PRDM15: variants seen among roughly 807,000 people sequenced by gnomAD.
The protein encoded by PRDM15 is PR/SET domain 15.
A neutral mutation model predicts 128.6 loss-of-function variants in PRDM15; 64 were observed. That is an observed-to-expected ratio of 0.50 (90% CI 0.41 to 0.61). PRDM15 has a LOEUF of 0.61. PRDM15 is among the 20% of genes least tolerant of loss of function. The pLI is 0.00. For missense variants in PRDM15, 1,242 were observed against 1,569.1 expected (o/e 0.79, Z 3.52); for synonymous variants, 615 against 621.8 (o/e 0.99, Z 0.16).
At chr21:41,864,020 T>G (rs2063913976) in intron 1 of PRDM15, among the ~76,000 whole-genome samples, 1 of 152,132 alleles carries the variant, frequency 6.6e-6, no homozygotes, top group Admixed American at 6.5e-5. Flanking sequence ...ATTTTTGTAT[T>G]TTTAGCAGAG....
intron 23 of PRDM15, 58 bp from the exon 24 acceptor site, chr21:41,801,780 G>A: frequency 6.4e-7 from 1 of 1,563,670 alleles, no homozygotes; most frequent in South Asian, 1.2e-5. Flanking sequence ...GGAACGCAAG[G>A]ACCTCCCCAG....
chr21:41,815,673 C>A, intron 19 of PRDM15, 32 bp downstream of exon 19: 2 of 1,609,096 alleles, frequency 1.2e-6, no homozygotes, highest in South Asian at 1.1e-5. Context: ...CAGTGAGCGC[C>A]GTGGCTGGCG....
In PRDM15 at chr21:41,862,874, G is replaced by C. The variant is rs117111731; in HGVS notation, c.-9-2502C>G. ...GGAAAAGGAGAGGAAAAAAGAACTA[G>C]AAGTTCGAGATCCTGGGCAGGCGTG... On this transcript the variant is annotated intron_variant, in intron 1 of 23. Transcript: ENST00000398548. This position sits in a 1 kb window ranked among gnomAD's most constrained non-coding sequence, Gnocchi z 4.1. 0.058 allele frequency among the ~76,000 whole-genome samples: 8,765 copies of C among 152,164 alleles called. 341 individuals are homozygous for C. The highest frequency in any genetic ancestry group is 0.14 in the Middle Eastern group (40 of 294).
At position 41,804,576 on chromosome 21, in the gene PRDM15, C is replaced by T. The variant is rs752994704; in HGVS notation, c.2691G>A (p.Pro897=). 31 of 1,571,708 alleles carry T rather than the reference C, an allele frequency of 2.0e-5. No homozygotes were observed. The highest frequency in any genetic ancestry group is 1.4e-4 in the South Asian group (12 of 85,354). ...AGGAGGCGTCGATGGTGGTGGTCTC[C>T]GGGAGGTGGTCCAGGTCATCGATCC... ...AVRIDDLDHL[P]ETTTIDASSI... Residue 897 remains proline, a synonymous_variant, in exon 22 of 24, where the codon CCG becomes CCA. Coordinates refer to ENST00000398548, the MANE Select transcript of PRDM15 (RefSeq NM_001040424.3).
chr21:41,878,732 AG>A, intron 1 of PRDM15: 1 of 1,568,432 alleles, frequency 6.4e-7, no homozygotes. Flanking sequence ...TTGGGGGTCC[AG>A]GGACCCCCCC....
chr21:41,803,982 T>TC (rs1324032094), intron 22 of PRDM15, among the ~76,000 whole-genome samples: 1 of 140,340 alleles, frequency 7.1e-6, no homozygotes, highest in Non-Finnish European at 1.6e-5. Context: ...TTTTTTTTTT[T>TC]CAGACACAGT....
intron 13 of PRDM15, among the ~76,000 whole-genome samples, chr21:41,824,743 C>T (rs1046777613): frequency 2.0e-5 from 3 of 152,220 alleles, no homozygotes; most frequent in Non-Finnish European, 4.4e-5. Context: ...GCCCACAGTC[C>T]GGAGCCTCAC....
chr21:41,817,201 A>C (rs188106662), intron 18 of PRDM15, among the ~76,000 whole-genome samples: 2 of 152,360 alleles, frequency 1.3e-5, no homozygotes, highest in Non-Finnish European at 2.9e-5. Context: ...ATCCATTTAC[A>C]AATTACCGTG....
In PRDM15 at chr21:41,856,839, C is replaced by T. The variant is rs537999587; in HGVS notation, c.285+337G>A. Among the ~76,000 whole-genome samples the T allele has an allele frequency of 5.1e-4, 78 of 152,318 alleles. 2 individuals are homozygous for T. The South Asian group carries it at 0.015, about 29-fold the overall frequency. On this transcript the variant is annotated intron_variant, in intron 4 of 23. Coordinates refer to ENST00000398548, the MANE Select transcript of PRDM15 (RefSeq NM_001040424.3). ...TGCACAGGTGTGGAAATAACTAGAG[C>T]GATGGGCCCCTGCAAGACGCTGCCT...
Position 41,835,520 on chromosome 21 carries a change from T to C in PRDM15, c.1283A>G (p.Asp428Gly), listed in dbSNP as rs1316176647. The change falls in exon 11 of 24, where the codon GAC becomes GGC. Residue 428 changes from aspartate (D) to glycine (G), a missense_variant. By Grantham distance (94) the Asp-to-Gly change is moderately conservative. This residue lies in a region of PRDM15 where 612 missense variants were observed against 717.0 expected (regional missense o/e 0.85). Transcript: ENST00000398548. ...VSYKHSRNEV[D>G]GEYRYRCGTC... ...GCCGCAGCGGTACCTGTACTCGCCG[T>C]CCACCTGGTCAGAGGGACACGCCGT... 3 of 1,607,942 alleles carry C rather than the reference T, an allele frequency of 1.9e-6. No homozygotes were observed. The highest frequency in any genetic ancestry group is 1.1e-5 in the South Asian group (1 of 91,054).
chr21:41,856,274 C>CCTTT lies in PRDM15; in HGVS notation c.285+901_285+902insAAAG, dbSNP rs1278858645. Among the ~76,000 whole-genome samples, 9 of 112,340 alleles carry CCTTT rather than the reference C, an allele frequency of 8.0e-5. 2 individuals carry two copies. The highest frequency in any genetic ancestry group is 2.8e-4 in the Admixed American group (3 of 10,862). The allele number at this position is 112,340 out of a possible 152,430, so 73.7% of individuals were successfully genotyped here. A position where few individuals can be genotyped will look rare whatever the true frequency, so the allele number is the denominator to read the frequency against. On this transcript the variant is annotated intron_variant, in intron 4 of 23. Coordinates refer to ENST00000398548, the MANE Select transcript of PRDM15 (RefSeq NM_001040424.3). ...CCTCCCTCCCCTCCCTTCCTTCCTT[C>CCTTT]CCTCCTTCCCCTCCCTCCCTTCCTT...
intron 21 of PRDM15, among the ~76,000 whole-genome samples, chr21:41,805,363 G>T (rs963607266): frequency 3.9e-5 from 6 of 152,162 alleles, no homozygotes; most frequent in Non-Finnish European, 5.9e-5. Context: ...TGCCTGTAAG[G>T]GTGCTTCACC....
intron 1 of PRDM15, chr21:41,878,692 C>T: frequency 6.4e-7 from 1 of 1,562,646 alleles, no homozygotes; most frequent in Non-Finnish European, 8.6e-7. Flanking sequence ...GAGACCCCAT[C>T]ACCAGGACTC....
intron 8 of PRDM15, 24 bp downstream of exon 8, chr21:41,837,897 GTCCACAGGACGGC>G: frequency 1.9e-6 from 3 of 1,613,052 alleles, no homozygotes; most frequent in Non-Finnish European, 2.5e-6. Context: ...AGCATTGTCT[GTCCACAGGACGGC>G]CCCAGGTGCC....
chr21:41,852,521 G>T (rs1050235025), intron 5 of PRDM15, among the ~76,000 whole-genome samples: 13 of 152,260 alleles, frequency 8.5e-5, no homozygotes, highest in African/African-American at 2.9e-4. Flanking sequence ...AAGCCACGAG[G>T]GTGGGGCTAG....
In PRDM15 at chr21:41,821,452, C is replaced by T. The variant is rs1468413361; in HGVS notation, c.1897-222G>A. The stretch of plus-strand genomic sequence containing the variant: ...AGCACGGGTGTCCTCGGAAACAAAC[C>T]ACCCTCCTTTTTGGAGAGCCCCTTC... On this transcript the variant is annotated intron_variant, in intron 15 of 23. Transcript: ENST00000398548. This position sits in a 1 kb window ranked among gnomAD's most constrained non-coding sequence, Gnocchi z 5.4. 6.6e-6 allele frequency among the ~76,000 whole-genome samples: 1 copy of T among 152,166 alleles called. No homozygotes were observed. Among genetic ancestry groups the T allele is most frequent in the Non-Finnish European group, 1.5e-5 (1 of 68,028 alleles).
At position 41,821,996 on chromosome 21, in the gene PRDM15, G is replaced by A. The variant is rs150764881; in HGVS notation, c.1803C>T (p.Ile601=). ...LMDDHQREEF[I]GKIGISSEEN... is the part of the protein sequence containing the mutation. ...CTTCCGAGGAGATCCCGATCTTGCC[G>A]ATAAACTCTTCCCTCTGGTGGTCAT... The change falls in exon 15 of 24, where the codon ATC becomes ATT. Residue 601 remains isoleucine, a synonymous_variant. Transcript: ENST00000398548. The surrounding 1 kb of genome is among the most constrained non-coding windows in gnomAD (Gnocchi z 5.4). 77 of 1,614,142 alleles carry A rather than the reference G, an allele frequency of 4.8e-5. No homozygotes were observed. In the African/African-American group the frequency reaches 7.6e-4, roughly 16 times the overall value.
rs564501415 is a variant in PRDM15, at chr21:41,801,630, G to A, written c.3036C>T (p.Ala1012=). ...GCTGGAGATTGGTAAACTGAGTCGC[G>A]GCCGCAGTGGTGATGGGGGTCACGG... ...NITVTPITTA[A]ATQFTNLQPV... The change falls in exon 24 of 24, where the codon GCC becomes GCT. Residue 1012 remains alanine, a synonymous_variant. Transcript: ENST00000398548. The A allele has an allele frequency of 1.2e-5, 20 of 1,614,142 alleles. No homozygotes were observed. The highest frequency in any genetic ancestry group is 1.2e-4 in the Admixed American group (7 of 60,026).
chr21:41,826,703 G>T (rs530147677), intron 12 of PRDM15, among the ~76,000 whole-genome samples: 5 of 152,294 alleles, frequency 3.3e-5, no homozygotes, highest in South Asian at 2.1e-4. Context: ...CTGGCCAGGT[G>T]TAAGTGCAGA....
Sources: gnomAD v4.1 joint callset for allele counts (sites outside exome capture counted in the v4.1 genomes callset) on GRCh38, gnomAD v4.1.1 for gene constraint, gnomAD v4.1.1 regional missense constraint, Gnocchi (gnomAD v3.1) non-coding constraint, MANE v1.5 for transcripts, NCBI Gene and HGNC (gene_info 2026-07-23, HGNC 2026-07-21) for gene names.